SLC25A48: variants seen among roughly 807,000 people sequenced by gnomAD.
The protein encoded by SLC25A48 is solute carrier family 25 member 48.
In SLC25A48, 29 loss-of-function variants were observed where a neutral mutation model predicts 32.2. That is an observed-to-expected ratio of 0.90 (90% CI 0.67 to 1.23). SLC25A48 has a LOEUF of 1.23. Among genes scored for constraint, SLC25A48 ranks in the 50% most tolerant of loss-of-function variants. SLC25A48 has a pLI of 0.00. For missense variants in SLC25A48, 399 were observed against 422.7 expected (o/e 0.94, Z 0.49); for synonymous variants, 164 against 172.3 (o/e 0.95, Z 0.38).
intron 1 of SLC25A48, among the ~76,000 whole-genome samples, chr5:135,840,791 C>A (rs1446370782): frequency 6.6e-6 from 1 of 152,180 alleles, no homozygotes; most frequent in East Asian, 1.9e-4. Flanking sequence ...ATAAATATCC[C>A]ACATTTTGTT....
At chr5:135,758,756 C>A (rs1392968693) in intron 3 of SLC25A48, among the ~76,000 whole-genome samples, 1 of 149,662 alleles carries the variant, frequency 6.7e-6, no homozygotes, top group Non-Finnish European at 1.5e-5. Flanking sequence ...ATAAATAATA[C>A]CAAGCATTAA....
At chr5:135,770,562 C>T (rs908715442) in intron 3 of SLC25A48, among the ~76,000 whole-genome samples, 1 of 151,492 alleles carries the variant, frequency 6.6e-6, no homozygotes, top group Non-Finnish European at 1.5e-5. Context: ...GATGTTACCC[C>T]AATATGGCAG....
chr5:135,868,701 C>CAT (rs34269211), intron 4 of SLC25A48, among the ~76,000 whole-genome samples: 2 of 151,704 alleles, frequency 1.3e-5, no homozygotes, highest in African/African-American at 4.8e-5. Context: ...CACACACACA[C>CAT]ATTCCCTATT....
intron 2 of SLC25A48, among the ~76,000 whole-genome samples, chr5:135,630,426 T>G (rs975813178): frequency 6.6e-6 from 1 of 151,908 alleles, no homozygotes; most frequent in Non-Finnish European, 1.5e-5. Context: ...AAACCAATAC[T>G]CCAGCAAAAA....
intron 3 of SLC25A48, among the ~76,000 whole-genome samples, chr5:135,801,420 G>A (rs754158339): frequency 1.3e-5 from 2 of 150,458 alleles, no homozygotes; most frequent in Non-Finnish European, 3.0e-5. Context: ...GGAGGTGTAC[G>A]TCTGCTTGTG....
At chr5:135,792,666 A>G (rs1193318491) in intron 3 of SLC25A48, among the ~76,000 whole-genome samples, 1 of 151,818 alleles carries the variant, frequency 6.6e-6, no homozygotes, top group Non-Finnish European at 1.5e-5. Context: ...TCCTCTGCTA[A>G]TATCACAGTA....
intron 1 of SLC25A48, among the ~76,000 whole-genome samples, chr5:135,592,166 C>T (rs936907894): frequency 9.2e-5 from 14 of 152,150 alleles, no homozygotes; most frequent in South Asian, 4.1e-4. Context: ...CAAGGATCTA[C>T]GGTGAGAAGA....
intron 3 of SLC25A48, among the ~76,000 whole-genome samples, chr5:135,698,421 A>G (rs1754316845): frequency 6.6e-6 from 1 of 152,242 alleles, no homozygotes; most frequent in African/African-American, 2.4e-5. Context: ...CTCTAACAAA[A>G]GTCTTTTCTT....
intron 7 of SLC25A48, among the ~76,000 whole-genome samples, chr5:135,881,164 G>A (rs1172998787): frequency 6.6e-6 from 1 of 152,156 alleles, no homozygotes; most frequent in Admixed American, 6.5e-5. Context: ...GCCCCATACC[G>A]GCTACCTGCA....
At chr5:135,716,968 T>C (rs562020604) in intron 3 of SLC25A48, among the ~76,000 whole-genome samples, 4 of 152,358 alleles carry the variant, frequency 2.6e-5, no homozygotes, top group African/African-American at 9.6e-5. Flanking sequence ...TACCGGTTTA[T>C]GTACTATGGG....
At chr5:135,757,648 T>C (rs1755949851) in intron 3 of SLC25A48, among the ~76,000 whole-genome samples, 1 of 149,704 alleles carries the variant, frequency 6.7e-6, no homozygotes. Context: ...TAAAAACATC[T>C]AGATGATATT....
chr5:135,742,560 T>C, intron 3 of SLC25A48: 1 of 1,367,286 alleles, frequency 7.3e-7, no homozygotes, highest in Non-Finnish European at 1.0e-6. Flanking sequence ...TGTTTTATGG[T>C]TTTCATTTTC....
chr5:135,764,398 G>A (rs1257946688), intron 3 of SLC25A48, among the ~76,000 whole-genome samples: 1 of 151,576 alleles, frequency 6.6e-6, no homozygotes, highest in Admixed American at 6.6e-5. Flanking sequence ...AGGGTGTACA[G>A]CCCCCTGTGA....
intron 3 of SLC25A48, among the ~76,000 whole-genome samples, chr5:135,675,627 A>G (rs930407137): frequency 5.9e-5 from 9 of 152,048 alleles, no homozygotes; most frequent in African/African-American, 2.2e-4. Flanking sequence ...TTTTAAAGTC[A>G]GGTGATGTGA....
intron 3 of SLC25A48, among the ~76,000 whole-genome samples, chr5:135,638,627 C>T (rs1752763139): frequency 6.6e-6 from 1 of 152,132 alleles, no homozygotes; most frequent in South Asian, 2.1e-4. Context: ...ACCAAATCCC[C>T]AGGGATAGGA....
intron 4 of SLC25A48, among the ~76,000 whole-genome samples, chr5:135,856,654 C>A (rs535241695): frequency 1.3e-5 from 2 of 152,350 alleles, no homozygotes; most frequent in African/African-American, 4.8e-5. Flanking sequence ...ATCAGGGAGA[C>A]ACAGGGCCGG....
intron 3 of SLC25A48, among the ~76,000 whole-genome samples, chr5:135,710,759 T>A (rs184359105): frequency 1.1e-3 from 172 of 152,368 alleles, no homozygotes; most frequent in African/African-American, 4.1e-3. Context: ...GCCAAATGGC[T>A]TCTCTGAAGC....
At chr5:135,600,205 G>A (rs745989046) in intron 1 of SLC25A48, among the ~76,000 whole-genome samples, 3 of 152,208 alleles carry the variant, frequency 2.0e-5, no homozygotes, top group African/African-American at 2.4e-5. Context: ...GGGCCTTCAC[G>A]GCTCTGATGC....
chr5:135,773,031 G>A (rs893143680), intron 3 of SLC25A48, among the ~76,000 whole-genome samples: 1 of 151,146 alleles, frequency 6.6e-6, no homozygotes, highest in African/African-American at 2.4e-5. Flanking sequence ...ATCGCAGGGG[G>A]TGTACACTTC....
Sources: allele counts gnomAD v4.1 joint callset (sites outside exome capture counted in the v4.1 genomes callset), GRCh38; gene constraint gnomAD v4.1.1; transcripts MANE v1.5; gene names NCBI Gene and HGNC (gene_info 2026-07-23, HGNC 2026-07-21).